BRSK1: variants seen among roughly 807,000 people sequenced by gnomAD.
BRSK1 encodes serine/threonine-protein kinase BRSK1.
In BRSK1, 17 loss-of-function variants were observed where a neutral mutation model predicts 86.2. The ratio of observed to expected loss-of-function variants is 0.20; its 90% CI spans 0.14 to 0.30. The LOEUF (loss-of-function observed/expected upper bound fraction) is 0.30, where lower values mean the gene tolerates loss of function less well. Ranked by LOEUF, BRSK1 falls within the 10% of genes least tolerant of loss-of-function variation. BRSK1 has a pLI of 1.00. For missense variants in BRSK1, 719 were observed against 1,071.9 expected, an observed-to-expected ratio of 0.67 and a Z score of 4.60; for synonymous variants, 464 against 440.1, an observed-to-expected ratio of 1.05 and a Z score of -0.68.
At position 55,304,565 on chromosome 19, in the gene BRSK1, C is replaced by A; in HGVS notation, c.1362C>A (p.Ser454=). The change falls in exon 14 of 19, where the codon TCC becomes TCA. Residue 454 remains serine (S), a synonymous_variant. Transcript: ENST00000309383. This position sits in a 1 kb window ranked among gnomAD's most constrained non-coding sequence, Gnocchi z 5.2. The part of the protein sequence containing the change: ...PLSSPRSPVF[S]FSPEPGAGDE... ...GTCCTCTGCAGAGTCCGGTCTTTTC[C>A]TTTTCACCGGAGCCGGGGGCTGGAG... 6.3e-7 allele frequency: 1 copy of A among 1,585,536 alleles called. No homozygotes were observed. The highest frequency in any genetic ancestry group is 1.1e-5 in the South Asian group (1 of 87,432).
At position 55,306,389 on chromosome 19, in the gene BRSK1, C is replaced by A; in HGVS notation, c.2028C>A (p.Ser676=). 1 of 1,614,060 alleles carries A rather than the reference C, an allele frequency of 6.2e-7. No homozygotes were observed. Among genetic ancestry groups the A allele is most frequent in the African/African-American group, 1.3e-5 (1 of 75,060 alleles). ...GCTCCTCTGAGGGTCCAGAGCCCTC[C>A]CCGCGACGGGACGGCAGCGGAGGTG... ...DISSSEGPEP[S]PRRDGSGGGG... The change falls in exon 17 of 19, where the codon TCC becomes TCA. Residue 676 remains serine (S), a synonymous_variant. Transcript: ENST00000309383. This position sits in a 1 kb window ranked among gnomAD's most constrained non-coding sequence, Gnocchi z 4.7.
At position 55,299,973 on chromosome 19, in the gene BRSK1, C is replaced by T. The variant is rs1470382052; in HGVS notation, c.679-1539C>T. On this transcript the variant is annotated intron_variant, in intron 7 of 18. Coordinates refer to ENST00000309383, the MANE Select transcript of BRSK1 (RefSeq NM_032430.2). ...TGAGTCTTTGTCCATGGGGGGTCAC[C>T]TTGGCTCCCCTCCAACCCTTGCCCT... 2.0e-5 allele frequency among the ~76,000 whole-genome samples: 3 copies of T among 152,136 alleles called. No individual in the cohort carries two copies. In the South Asian group the frequency reaches 6.2e-4, roughly 32 times the overall value.
chr19:55,288,892 G>A (rs2088363729), intron 3 of BRSK1, among the ~76,000 whole-genome samples: 4 of 152,134 alleles, frequency 2.6e-5, no homozygotes, highest in Admixed American at 2.6e-4. Context: ...GCCAGAAGTG[G>A]GGGTTTTTAA....
At position 55,288,700 on chromosome 19, in the gene BRSK1, G is replaced by A. The variant is rs183667440; in HGVS notation, c.318-780G>A. Among the ~76,000 whole-genome samples the A allele has an allele frequency of 6.6e-3, 997 of 151,818 alleles. 5 individuals carry two copies. Among genetic ancestry groups the A allele is most frequent in the African/African-American group, 0.011 (440 of 41,382 alleles). ...TCCTGGGTTCAAGTGATTCTCCTGC[G>A]TCAGCCTCCCGAGTGGCTGGGATTA... On this transcript the variant is annotated intron_variant, in intron 3 of 18. Coordinates refer to ENST00000309383, the MANE Select transcript of BRSK1 (RefSeq NM_032430.2).
chr19:55,308,592 G>T, intron 17 of BRSK1, 47 bp from the exon 18 acceptor site: 1 of 1,498,488 alleles, frequency 6.7e-7, no homozygotes. Context: ...CGGCCTTCCC[G>T]GTCCTGGACC....
Position 55,304,019 on chromosome 19 carries a change from T to G in BRSK1, c.1287-31T>G. ...TGGTTTTTGAAACCCTCCCATCTGA[T>G]TTTTTTTTTTTAAATCTATCCTGGA... is the stretch of plus-strand genomic sequence containing the variant. On this transcript the variant is annotated intron_variant, in intron 12 of 18. Coordinates refer to ENST00000309383, the MANE Select transcript of BRSK1 (RefSeq NM_032430.2). The surrounding 1 kb of genome is among the most constrained non-coding windows in gnomAD (Gnocchi z 5.2). 1 of 720,372 alleles carries G rather than the reference T, an allele frequency of 1.4e-6. No individual in the cohort carries two copies. The highest frequency in any genetic ancestry group is 1.9e-6 in the Non-Finnish European group (1 of 516,428). 44.6% of individuals were successfully genotyped at this position (720,372 alleles called of 1,614,324 possible).
At position 55,306,827 on chromosome 19, in the gene BRSK1, A is replaced by G. The variant is rs1009157571; in HGVS notation, c.2089+377A>G. Among the ~76,000 whole-genome samples the G allele has an allele frequency of 1.3e-5, 2 of 152,152 alleles. No homozygotes were observed. Among genetic ancestry groups the G allele is most frequent in the East Asian group, 1.9e-4 (1 of 5,196 alleles). On this transcript the variant is annotated intron_variant, in intron 17 of 18. Coordinates refer to ENST00000309383, the MANE Select transcript of BRSK1 (RefSeq NM_032430.2). The surrounding 1 kb of genome is among the most constrained non-coding windows in gnomAD (Gnocchi z 4.7). The stretch of plus-strand genomic sequence containing the variant: ...GCTGCAGCCCAACCCAGGCCTCCCA[A>G]CTTCAGAGGAGAGAGCCCAGCTCTT...
chr19:55,284,367 GCCCCCACC>G lies in BRSK1; in HGVS notation c.-75_-68del. 1.1e-6 allele frequency: 1 copy of G among 939,710 alleles called. No homozygotes were observed. The highest frequency in any genetic ancestry group is 1.4e-6 in the Non-Finnish European group (1 of 725,050). The allele number at this position is 939,710 out of a possible 1,614,324, so 58.2% of individuals were successfully genotyped here. A position where few individuals can be genotyped will look rare whatever the true frequency, so the allele number is the denominator to read the frequency against. On this transcript the variant is annotated 5_prime_UTR_variant, in exon 1 of 19. Coordinates refer to ENST00000309383, the MANE Select transcript of BRSK1 (RefSeq NM_032430.2). ...GGGGGCCGGGACGGAGCGGTCGCCG[GCCCCCACC>G]GGAGAGACGGGGCGACGGCCGCAGG... is the stretch of plus-strand genomic sequence containing the variant.
chr19:55,292,379 G>C (rs1033753769), intron 4 of BRSK1, among the ~76,000 whole-genome samples: 24 of 152,162 alleles, frequency 1.6e-4, no homozygotes, highest in African/African-American at 5.8e-4. Context: ...ATGACATCTG[G>C]GATGTCCTAC....
At position 55,305,563 on chromosome 19, in the gene BRSK1, G is replaced by A. The variant is rs769038708; in HGVS notation, c.1867G>A (p.Asp623Asn). 1 of 1,614,182 alleles carries A rather than the reference G, an allele frequency of 6.2e-7. No individual in the cohort carries two copies. The highest frequency in any genetic ancestry group is 1.7e-5 in the Admixed American group (1 of 60,026). ...KDKPLSSIKA[D>N]IVHAFLSIPS... ...CAAACCTCTCAGCAGCATCAAAGCA[G>A]ACATCGTCCATGCCTTTCTGTCGGT... Residue 623 changes from aspartate (D) to asparagine (N), a missense_variant, in exon 16 of 19, where the codon GAC becomes AAC. Asp to Asn is a conservative substitution (Grantham distance 23, BLOSUM62 1). This residue lies in a region of BRSK1 where 180 missense variants were observed against 259.4 expected (regional missense o/e 0.69). Coordinates refer to ENST00000309383, the MANE Select transcript of BRSK1 (RefSeq NM_032430.2).
rs959131573 is a variant in BRSK1, at chr19:55,310,856, G to A, written c.2180-1055G>A. Among the ~76,000 whole-genome samples the A allele has an allele frequency of 6.6e-6, 1 of 152,166 alleles. No individual in the cohort carries two copies. Among genetic ancestry groups the A allele is most frequent in the African/African-American group, 2.4e-5 (1 of 41,442 alleles). On this transcript the variant is annotated intron_variant, in intron 18 of 18. Coordinates refer to ENST00000309383, the MANE Select transcript of BRSK1 (RefSeq NM_032430.2). This position sits in a 1 kb window ranked among gnomAD's most constrained non-coding sequence, Gnocchi z 5.0. ...AACGGGCACACCCTGGAAGATGTAGGACTAACAGGCACCCTGGGGGGCTCA... is the reference window on the plus strand; with the variant it reads ...AACGGGCACACCCTGGAAGATGTAGAACTAACAGGCACCCTGGGGGGCTCA...
In BRSK1 at chr19:55,304,166, C is replaced by A; in HGVS notation, c.1347+56C>A. The A allele has an allele frequency of 6.6e-7, 1 of 1,519,006 alleles. No individual in the cohort carries two copies. The highest frequency in any genetic ancestry group is 9.0e-7 in the Non-Finnish European group (1 of 1,111,704). 94.1% of individuals were successfully genotyped at this position (1,519,006 alleles called of 1,614,324 possible). On this transcript the variant is annotated intron_variant, in intron 13 of 18. Coordinates refer to ENST00000309383, the MANE Select transcript of BRSK1 (RefSeq NM_032430.2). The surrounding 1 kb of genome is among the most constrained non-coding windows in gnomAD (Gnocchi z 5.2). ...AGGAGAAAGGGGTGGAGACATGGAG[C>A]AAAGATTGAGTAGCAGAAACTACAA...
In BRSK1 at chr19:55,294,355, A is replaced by G. The variant is rs1484283562; in HGVS notation, c.636A>G (p.Ala212=). Residue 212 remains alanine (A), a synonymous_variant, in exon 7 of 19, where the codon GCA becomes GCG. Transcript: ENST00000309383. The surrounding 1 kb of genome is among the most constrained non-coding windows in gnomAD (Gnocchi z 4.9). ...GGGAAAAATATGATGGCCGCCGGGC[A>G]GACATGTGGAGCTGTGGAGTCATCC... is the stretch of plus-strand genomic sequence containing the variant. The part of the protein sequence containing the change: ...IKGEKYDGRR[A]DMWSCGVILF... 6.2e-7 allele frequency: 1 copy of G among 1,614,052 alleles called. No individual in the cohort carries two copies. Among genetic ancestry groups the G allele is most frequent in the Non-Finnish European group, 8.5e-7 (1 of 1,180,054 alleles).
At chr19:55,285,426 C>T (rs1455938953) in intron 1 of BRSK1, among the ~76,000 whole-genome samples, 1 of 152,058 alleles carries the variant, frequency 6.6e-6, no homozygotes, top group Non-Finnish European at 1.5e-5. Flanking sequence ...CGGGCTGGGA[C>T]CTGAGGTTCT....
intron 4 of BRSK1, among the ~76,000 whole-genome samples, chr19:55,292,435 A>C (rs2088421013): frequency 6.6e-6 from 1 of 152,188 alleles, no homozygotes; most frequent in African/African-American, 2.4e-5. Flanking sequence ...CAGAGATGAG[A>C]TCAGATTGGC....
At position 55,308,539 on chromosome 19, in the gene BRSK1, G is replaced by T. The variant is rs931397811; in HGVS notation, c.2090-100G>T. 175 of 804,068 alleles carry T rather than the reference G, an allele frequency of 2.2e-4. 3 individuals carry two copies. The highest frequency in any genetic ancestry group is 1.3e-3 in the South Asian group (97 of 74,012). The allele number at this position is 804,068 out of a possible 1,614,324, so 49.8% of individuals were successfully genotyped here. On this transcript the variant is annotated intron_variant, in intron 17 of 18. Coordinates refer to ENST00000309383, the MANE Select transcript of BRSK1 (RefSeq NM_032430.2). ...CAGGGGAGACGGAGATGCAGGGGGG[G>T]TGTTGTGTGCTTGGTGGAGGGACTG...
chr19:55,290,073 C>T (rs1360504551), intron 4 of BRSK1, among the ~76,000 whole-genome samples: 1 of 152,190 alleles, frequency 6.6e-6, no homozygotes, highest in East Asian at 1.9e-4. Flanking sequence ...TGGCTCACTA[C>T]AACCTCTGCC....
chr19:55,289,708 A>G (rs1394446190), intron 4 of BRSK1, 88 bp downstream of exon 4: 10 of 1,507,718 alleles, frequency 6.6e-6, no homozygotes, highest in Middle Eastern at 2.0e-4. Flanking sequence ...AGCAAAAGCC[A>G]TGTGGTCGGC....
chr19:55,305,186 G>A, intron 14 of BRSK1, 135 bp from the exon 15 acceptor site: 1 of 1,304,536 alleles, frequency 7.7e-7, no homozygotes, highest in Non-Finnish European at 1.1e-6. Context: ...TGTGAGCCCC[G>A]CCCAGGAGGG....
Sources: gnomAD v4.1 joint callset for allele counts (sites outside exome capture counted in the v4.1 genomes callset) on GRCh38, gnomAD v4.1.1 for gene constraint, gnomAD v4.1.1 regional missense constraint, Gnocchi (gnomAD v3.1) non-coding constraint, MANE v1.5 for transcripts, NCBI Gene and HGNC (gene_info 2026-07-23, HGNC 2026-07-21) for gene names.